The following NIN variants were observed in gnomAD, a reference collection of about 807,000 sequenced individuals.
The protein encoded by NIN is glycogen synthase kinase 3 beta-interacting protein.
NIN carries 137 observed loss-of-function variants against 257.6 expected under a neutral mutation model. The ratio of observed to expected loss-of-function variants is 0.53; its 90% CI spans 0.46 to 0.61. The LOEUF is 0.61. Ranked by LOEUF, NIN falls within the 20% of genes least tolerant of loss-of-function variation. The pLI, the probability that NIN is intolerant of heterozygous loss-of-function variation, is 0.00. For synonymous variants in NIN, 918 were observed against 919.8 expected (o/e 1.00, Z 0.04); for missense variants, 2,439 against 2,501.2 (o/e 0.98, Z 0.53).
chr14:50,744,147 C>T, intron 23 of NIN, 96 bp downstream of exon 23: 1 of 1,350,274 alleles, frequency 7.4e-7, no homozygotes, highest in Non-Finnish European at 1.0e-6. Context: ...GAACAACAGA[C>T]TACCACAGGA....
chr14:50,751,721 C>T (rs1271366376), intron 21 of NIN, among the ~76,000 whole-genome samples: 2 of 152,108 alleles, frequency 1.3e-5, no homozygotes, highest in East Asian at 3.9e-4. Context: ...GAGATGGAGT[C>T]TTGTTATGTT....
intron 12 of NIN, among the ~76,000 whole-genome samples, chr14:50,769,627 C>T (rs8003735): frequency 1.3e-5 from 2 of 152,016 alleles, no homozygotes; most frequent in East Asian, 1.9e-4. Context: ...CAGCCTCCTG[C>T]GTAGCTGGGA....
chr14:50,725,967 G>C lies in NIN; in HGVS notation c.6178C>G (p.Gln2060Glu), dbSNP rs753761379. The C allele has an allele frequency of 1.9e-6, 3 of 1,614,040 alleles. No individual in the cohort carries two copies. The highest frequency in any genetic ancestry group is 3.3e-5 in the Admixed American group (2 of 60,014). Residue 2060 changes from glutamine to glutamate, a missense_variant, in exon 30 of 31, where the codon CAG becomes GAG. Gln to Glu is a conservative substitution (Grantham distance 29, BLOSUM62 2). Transcript: ENST00000530997. ...GGTAGGCTCACTTGTTCTTTGAGCTGATTCACTTTCTCTTGAAGAAGCCTT... is the reference window on the plus strand; with the variant it reads ...GGTAGGCTCACTTGTTCTTTGAGCTCATTCACTTTCTCTTGAAGAAGCCTT... Reference protein sequence around the residue: ...VKRLLQEKVNQLKEQLCKNTK... With the variant: ...VKRLLQEKVNELKEQLCKNTK...
intron 18 of NIN, among the ~76,000 whole-genome samples, chr14:50,755,324 T>A (rs868520144): frequency 2.0e-5 from 3 of 152,240 alleles, no homozygotes; most frequent in African/African-American, 7.2e-5. Context: ...CAATGAAATA[T>A]GTACACTGTT....
intron 3 of NIN, among the ~76,000 whole-genome samples, chr14:50,817,581 T>C (rs753238854): frequency 6.6e-6 from 1 of 152,284 alleles, no homozygotes; most frequent in South Asian, 2.1e-4. Context: ...CCAGTGGTGA[T>C]TCTGCTGCCT....
intron 3 of NIN, among the ~76,000 whole-genome samples, chr14:50,812,132 T>A (rs532843527): frequency 2.9e-4 from 44 of 152,098 alleles, no homozygotes; most frequent in African/African-American, 8.9e-4. Context: ...AAACAAAAAA[T>A]TTTTTTTACG....
chr14:50,749,076 G>A (rs2041677633), intron 21 of NIN, among the ~76,000 whole-genome samples: 1 of 152,190 alleles, frequency 6.6e-6, no homozygotes, highest in African/African-American at 2.4e-5. Flanking sequence ...CAAGGCTACA[G>A]TAACCAAAAC....
In NIN at chr14:50,735,617, C is replaced by G; in HGVS notation, c.5776G>C (p.Val1926Leu). 1 of 1,606,806 alleles carries G rather than the reference C, an allele frequency of 6.2e-7. No homozygotes were observed. Among genetic ancestry groups the G allele is most frequent in the Non-Finnish European group, 8.5e-7 (1 of 1,179,036 alleles). Residue 1926 changes from valine to leucine, a missense_variant and splice_region_variant, in exon 28 of 31, where the codon GTC becomes CTC. Val to Leu is a conservative substitution (Grantham distance 32, BLOSUM62 1). This residue lies in a region of NIN where 2,043 missense variants were observed against 2,050.2 expected (regional missense o/e 1.00). Coordinates refer to ENST00000530997, the MANE Select transcript of NIN (RefSeq NM_020921.4). ...TGTTCAAGGGAATTCATCTGACTGA[C>G]CTGTTTAAAAAAAACAAAATATTCC... is the stretch of plus-strand genomic sequence containing the variant. Reference protein sequence around the residue: ...QKEQSPANRKVSQMNSLEQEL... With the variant: ...QKEQSPANRKLSQMNSLEQEL...
At chr14:50,812,145 C>T (rs1218766659) in intron 3 of NIN, among the ~76,000 whole-genome samples, 3 of 152,110 alleles carry the variant, frequency 2.0e-5, no homozygotes, top group Non-Finnish European at 2.9e-5. Flanking sequence ...TTTTTACGAA[C>T]GTGGGTCATG....
chr14:50,724,670 C>T (rs1283234400), intron 30 of NIN, among the ~76,000 whole-genome samples: 1 of 152,166 alleles, frequency 6.6e-6, no homozygotes, highest in African/African-American at 2.4e-5. Context: ...CCTCTCTAGT[C>T]TCTCCTCCTG....
chr14:50,780,254 C>T (rs1174911649), intron 5 of NIN, among the ~76,000 whole-genome samples: 3 of 152,204 alleles, frequency 2.0e-5, no homozygotes, highest in Non-Finnish European at 4.4e-5. Flanking sequence ...AAAGGTGAAT[C>T]GCCCTTTCCA....
chr14:50,773,047 C>T lies in NIN; in HGVS notation c.715G>A (p.Val239Ile), dbSNP rs765141542. ...HNLDPDGTMSVEDFFYGLFKN... is the reference protein window; with the variant it reads ...HNLDPDGTMSIEDFFYGLFKN... Reference sequence around the variant, plus strand: ...AACAAACCATAGAAAAAATCTTCTACACTCATTGTACCGTCAGGATCAAGA... The same window carrying T: ...AACAAACCATAGAAAAAATCTTCTATACTCATTGTACCGTCAGGATCAAGA... Residue 239 changes from valine to isoleucine, a missense_variant, in exon 8 of 31, where the codon GTA (valine) becomes ATA (isoleucine). Physicochemically the swap from Val to Ile is conservative, Grantham distance 29. Transcript: ENST00000530997. 12 of 1,612,884 alleles carry T rather than the reference C, an allele frequency of 7.4e-6. No individual in the cohort carries two copies. Among genetic ancestry groups the T allele is most frequent in the East Asian group, 2.2e-5 (1 of 44,838 alleles).
At position 50,756,757 on chromosome 14, in the gene NIN, C is replaced by G. The variant is rs1404296582; in HGVS notation, c.4273G>C (p.Val1425Leu). The G allele has an allele frequency of 5.8e-6, 9 of 1,551,454 alleles. No homozygotes were observed. Among genetic ancestry groups the G allele is most frequent in the Non-Finnish European group, 7.0e-6 (8 of 1,147,000 alleles). ...TIQTHQERPR[V>L]QNQVILEENT... ...TCCTCCAGTATAACTTGATTCTGTA[C>G]TCTTGGCCTTTCTTGATGTGTCTGA... The change falls in exon 18 of 31, where the codon GTA (valine) becomes CTA (leucine). Residue 1425 changes from valine (V) to leucine (L), a missense_variant. Physicochemically the swap from Val to Leu is conservative, Grantham distance 32. Coordinates refer to ENST00000530997, the MANE Select transcript of NIN (RefSeq NM_020921.4).
intron 23 of NIN, 90 bp downstream of exon 23, chr14:50,744,153 C>CA: frequency 1.4e-6 from 2 of 1,407,386 alleles, no homozygotes; most frequent in Non-Finnish European, 2.0e-6. Context: ...CAGACTACCA[C>CA]AGGAGGCCCC....
Position 50,748,098 on chromosome 14 carries a change from G to A in NIN, c.4958C>T (p.Thr1653Ile). The change falls in exon 22 of 31, where the codon ACT becomes ATT. Residue 1653 changes from threonine to isoleucine, a missense_variant. Thr to Ile is a moderately conservative substitution (Grantham distance 89). Coordinates refer to ENST00000530997, the MANE Select transcript of NIN (RefSeq NM_020921.4). ...CTCCGCCTCCAGAGAAGACACTAAA[G>A]TGGAGGACTAAGAGAAAAATGAAAA... is the stretch of plus-strand genomic sequence containing the variant. ...ELERCKVQSS[T>I]LVSSLEAELS... The A allele has an allele frequency of 6.2e-7, 1 of 1,607,116 alleles. No homozygotes were observed. The highest frequency in any genetic ancestry group is 8.5e-7 in the Non-Finnish European group (1 of 1,173,744).
At position 50,756,528 on chromosome 14, in the gene NIN, G is replaced by C. The variant is rs775457427; in HGVS notation, c.4502C>G (p.Thr1501Arg). Residue 1501 changes from threonine (T) to arginine (R), a missense_variant, in exon 18 of 31, where the codon ACG becomes AGG. Thr to Arg is a moderately conservative substitution (Grantham distance 71). Transcript: ENST00000530997. Reference sequence around the variant, plus strand: ...AACTTTTTGCTGCATCTCACTGCACGTGATCTGCAAGTCATGCATCATTGC... The same window carrying C: ...AACTTTTTGCTGCATCTCACTGCACCTGATCTGCAAGTCATGCATCATTGC... Reference protein sequence around the residue: ...LKAMMHDLQITCSEMQQKVEL... With the variant: ...LKAMMHDLQIRCSEMQQKVEL... 2 of 1,611,656 alleles carry C rather than the reference G, an allele frequency of 1.2e-6. No homozygotes were observed. The highest frequency in any genetic ancestry group is 1.7e-5 in the Admixed American group (1 of 59,818).
rs927768618 is a variant in NIN at position 50,722,776 on chromosome 14, A to G, written c.*687T>C. On this transcript the variant is annotated 3_prime_UTR_variant, in exon 31 of 31. Transcript: ENST00000530997. ...CCAAATGAAACTTTTAAGAGAAAGA[A>G]GAAAAGGCTGTTTAAAGCAAGTAAG... 3 of 211,788 alleles carry G rather than the reference A, an allele frequency of 1.4e-5. No homozygotes were observed. Among genetic ancestry groups the G allele is most frequent in the Non-Finnish European group, 2.9e-5 (3 of 104,398 alleles). 13.1% of individuals were successfully genotyped at this position (211,788 alleles called of 1,614,324 possible).
Position 50,771,482 on chromosome 14 carries a change from C to G in NIN, c.982-14G>C. On this transcript the variant is annotated splice_polypyrimidine_tract_variant and intron_variant, in intron 9 of 30. Coordinates refer to ENST00000530997, the MANE Select transcript of NIN (RefSeq NM_020921.4). Reference sequence around the variant, plus strand: ...GAAATCCAAGGCCTAGAAATCAGAGCAAGGCGTAAATTCAAAAACAAATCA... The same window carrying G: ...GAAATCCAAGGCCTAGAAATCAGAGGAAGGCGTAAATTCAAAAACAAATCA... The G allele has an allele frequency of 6.2e-7, 1 of 1,613,112 alleles. No homozygotes were observed. Among genetic ancestry groups the G allele is most frequent in the Non-Finnish European group, 8.5e-7 (1 of 1,179,524 alleles).
At chr14:50,735,459 C>A in intron 28 of NIN, 57 bp downstream of exon 28, 2 of 1,582,212 alleles carry the variant, frequency 1.3e-6, no homozygotes, top group Non-Finnish European at 1.7e-6. Flanking sequence ...CCAACAAATA[C>A]CTCATTCATG....
Sources: gnomAD v4.1 joint callset for allele counts (sites outside exome capture counted in the v4.1 genomes callset) on GRCh38, gnomAD v4.1.1 for gene constraint, gnomAD v4.1.1 regional missense constraint, MANE v1.5 for transcripts, NCBI Gene and HGNC (gene_info 2026-07-23, HGNC 2026-07-21) for gene names.